NCAM2: variants seen among roughly 807,000 people sequenced by gnomAD.
NCAM2 encodes the protein neural cell adhesion molecule 2, also known as N-CAM-2.
Under a neutral mutation model 98.1 loss-of-function variants are expected in NCAM2, and 30 were observed. The ratio of observed to expected loss-of-function variants is 0.31; its 90% CI spans 0.23 to 0.41. The LOEUF is 0.41. NCAM2 is among the 10% of genes least tolerant of loss of function. The probability of loss-of-function intolerance (pLI) is 1.00; values close to 1 mark genes in which losing one functional copy is unlikely to be tolerated. For missense variants in NCAM2, 867 were observed against 1,005.8 expected (o/e 0.86, Z 1.87); for synonymous variants, 368 against 342.4 (o/e 1.07, Z -0.83).
chr21:21,242,668 T>G (rs778963475), intron 1 of NCAM2, among the ~76,000 whole-genome samples: 10 of 152,186 alleles, frequency 6.6e-5, no homozygotes, highest in Non-Finnish European at 1.2e-4. Context: ...AGAATTTCCT[T>G]CCTTTTCAGC....
chr21:21,040,059 A>G (rs1000154233), intron 1 of NCAM2, among the ~76,000 whole-genome samples: 1 of 152,162 alleles, frequency 6.6e-6, no homozygotes, highest in Admixed American at 6.5e-5. Context: ...AATTCTCTCT[A>G]CAGTCCTCTA....
intron 12 of NCAM2, among the ~76,000 whole-genome samples, chr21:21,451,292 G>T (rs1981030644): frequency 6.6e-6 from 1 of 152,050 alleles, no homozygotes; most frequent in Non-Finnish European, 1.5e-5. Context: ...TTATCAACAT[G>T]TCCAGGTCAA....
chr21:21,176,080 G>T (rs760183789), intron 1 of NCAM2, among the ~76,000 whole-genome samples: 6 of 152,100 alleles, frequency 3.9e-5, no homozygotes, highest in Non-Finnish European at 7.4e-5. Context: ...TAAAAAGAAA[G>T]AAAGGAAAAA....
At chr21:21,464,346 G>T (rs1983394967) in intron 12 of NCAM2, among the ~76,000 whole-genome samples, 1 of 152,036 alleles carries the variant, frequency 6.6e-6, no homozygotes, top group Non-Finnish European at 1.5e-5. Context: ...GTGTTCTATT[G>T]CACTCTTTAC....
At chr21:21,400,477 G>T (rs1261865119) in intron 9 of NCAM2, among the ~76,000 whole-genome samples, 1 of 151,934 alleles carries the variant, frequency 6.6e-6, no homozygotes, top group Admixed American at 6.6e-5. Context: ...TACTTATTAA[G>T]AAGATTTTGG....
chr21:21,486,515 T>A (rs1417987170), intron 15 of NCAM2, among the ~76,000 whole-genome samples: 2 of 152,122 alleles, frequency 1.3e-5, no homozygotes, highest in Non-Finnish European at 2.9e-5. Context: ...TTATATTGGT[T>A]ACTAATTTGT....
intron 1 of NCAM2, among the ~76,000 whole-genome samples, chr21:21,110,266 T>C (rs1462292152): frequency 6.6e-6 from 1 of 152,208 alleles, no homozygotes; most frequent in Non-Finnish European, 1.5e-5. Context: ...AGGCCGTTGC[T>C]AGATTCTATG....
chr21:21,277,592 A>G (rs186763572), intron 1 of NCAM2, among the ~76,000 whole-genome samples: 2 of 152,246 alleles, frequency 1.3e-5, no homozygotes, highest in East Asian at 3.9e-4. Flanking sequence ...AGGAGAGAGA[A>G]TGAATCCTAG....
chr21:21,436,536 ACT>A (rs1334087724), intron 12 of NCAM2, among the ~76,000 whole-genome samples: 1 of 151,728 alleles, frequency 6.6e-6, no homozygotes, highest in African/African-American at 2.4e-5. Context: ...TTACATTATA[ACT>A]CTGAAGGATT....
intron 1 of NCAM2, chr21:21,223,235 T>G (rs183100328): frequency 7.9e-5 from 12 of 152,308 alleles, no homozygotes; most frequent in African/African-American, 2.9e-4. Flanking sequence ...ATATAAAATT[T>G]AATTAGGTAA....
intron 15 of NCAM2, among the ~76,000 whole-genome samples, chr21:21,499,623 TA>T (rs950337974): frequency 4.6e-5 from 7 of 151,332 alleles, no homozygotes; most frequent in South Asian, 2.1e-4. Context: ...AGTTCTAGTT[TA>T]AAAAAAAATA....
At chr21:21,449,059 G>T (rs148796783) in intron 12 of NCAM2, among the ~76,000 whole-genome samples, 184 of 152,124 alleles carry the variant, frequency 1.2e-3, no homozygotes, top group Non-Finnish European at 2.3e-3. Flanking sequence ...TTACTTGTCT[G>T]CTAGAAACCT....
chr21:21,230,025 A>G (rs917269512), intron 1 of NCAM2, among the ~76,000 whole-genome samples: 5 of 151,382 alleles, frequency 3.3e-5, no homozygotes, highest in African/African-American at 1.2e-4. Flanking sequence ...AGTAAGAGGT[A>G]GTTATTATTA....
intron 9 of NCAM2, among the ~76,000 whole-genome samples, chr21:21,376,593 T>C (rs1459691082): frequency 6.6e-6 from 1 of 151,826 alleles, no homozygotes; most frequent in Non-Finnish European, 1.5e-5. Flanking sequence ...AACAAACAAC[T>C]GTATATTGCA....
chr21:21,273,388 A>T (rs897980298), intron 1 of NCAM2, among the ~76,000 whole-genome samples: 4 of 152,192 alleles, frequency 2.6e-5, no homozygotes, highest in Non-Finnish European at 5.9e-5. Context: ...GGTAGAAGAG[A>T]TACCATATAC....
At chr21:21,087,413 C>T (rs983518798) in intron 1 of NCAM2, among the ~76,000 whole-genome samples, 35 of 152,228 alleles carry the variant, frequency 2.3e-4, no homozygotes, top group East Asian at 7.7e-4. Context: ...CATCTACTGT[C>T]GCTGCTCCCC....
chr21:21,538,843 A>G lies in NCAM2; in HGVS notation c.*886A>G, dbSNP rs2146441266. On this transcript the variant is annotated 3_prime_UTR_variant, in exon 18 of 18. Transcript: ENST00000400546. The stretch of plus-strand genomic sequence containing the variant: ...TTATTTTTAAAATAATTTATCAAAA[A>G]ACAAGTCTTTAGTGTTCAAATACTT... 1 of 152,268 alleles carries G rather than the reference A, an allele frequency of 6.6e-6. No homozygotes were observed. Among genetic ancestry groups the G allele is most frequent in the Non-Finnish European group, 1.5e-5 (1 of 67,996 alleles). 9.4% of individuals were successfully genotyped at this position (152,268 alleles called of 1,614,324 possible). A position where few individuals can be genotyped will look rare whatever the true frequency, so the allele number is the denominator to read the frequency against.
chr21:21,486,605 C>G (rs1986409477), intron 15 of NCAM2, among the ~76,000 whole-genome samples: 1 of 152,052 alleles, frequency 6.6e-6, no homozygotes, highest in Admixed American at 6.6e-5. Context: ...CTTGATCTTT[C>G]CAATAAATTA....
chr21:21,202,861 A>G (rs1268346599), intron 1 of NCAM2, among the ~76,000 whole-genome samples: 3 of 152,234 alleles, frequency 2.0e-5, no homozygotes, highest in Non-Finnish European at 2.9e-5. Context: ...CATTTCACCT[A>G]TATCTATTAA....
Sources: gnomAD v4.1 joint callset for allele counts (sites outside exome capture counted in the v4.1 genomes callset) on GRCh38, gnomAD v4.1.1 for gene constraint, MANE v1.5 for transcripts, NCBI Gene and HGNC (gene_info 2026-07-23, HGNC 2026-07-21) for gene names.